Variants in TUSC3 observed in about 807,000 individuals in gnomAD.
TUSC3 encodes the protein tumor suppressor candidate 3.
In TUSC3, 45 loss-of-function variants were observed where a neutral mutation model predicts 44.8. The ratio of observed to expected loss-of-function variants is 1.00; its 90% CI spans 0.79 to 1.29. TUSC3 has a LOEUF of 1.29. Among genes scored for constraint, TUSC3 ranks in the 50% most tolerant of loss-of-function variants. The pLI is 0.00. For missense variants in TUSC3, 519 were observed against 437.9 expected (o/e 1.19, Z -1.65); for synonymous variants, 212 against 152.9 (o/e 1.39, Z -2.85).
At chr8:15,848,595 CAAACTT>C in the TUSC3 span, among the ~76,000 whole-genome samples, 69,583 of 151,734 alleles carry the variant, frequency 0.46, 18,188 homozygotes, top group Non-Finnish European at 0.6. Context: ...TGGTGAAACT[CAAACTT>C]AAACATTCTT....
intron 1 of TUSC3, among the ~76,000 whole-genome samples, chr8:15,430,472 T>C (rs1047732318): frequency 6.6e-5 from 10 of 150,474 alleles, no homozygotes; most frequent in Non-Finnish European, 1.3e-4. Flanking sequence ...ATTGATGGGA[T>C]GTATCTCAAA....
chr8:15,493,489 C>A (rs1367309146), intron 2 of TUSC3, among the ~76,000 whole-genome samples: 17 of 152,158 alleles, frequency 1.1e-4, no homozygotes, highest in Admixed American at 1.1e-3. Context: ...TCTCGAACTC[C>A]TGGCCTTAAG....
At chr8:15,748,299 G>A in intron 8 of TUSC3, 76 bp from the exon 9 acceptor site, 1 of 1,065,068 alleles carries the variant, frequency 9.4e-7, no homozygotes, top group Non-Finnish European at 1.5e-6. Flanking sequence ...GTAATTGAAT[G>A]CATTTAAAAA....
intron 1 of TUSC3, among the ~76,000 whole-genome samples, chr8:15,429,214 T>C (rs1427730744): frequency 1.3e-5 from 2 of 152,208 alleles, no homozygotes; most frequent in African/African-American, 4.8e-5. Flanking sequence ...CAGCACCATT[T>C]ATTAAATAGG....
the TUSC3 span, among the ~76,000 whole-genome samples, chr8:15,803,788 G>C: frequency 3.0e-4 from 46 of 152,278 alleles, no homozygotes; most frequent in Admixed American, 9.2e-4. Flanking sequence ...TTATGAGTGA[G>C]AACATGGGGT....
At chr8:15,802,799 G>A in the TUSC3 span, among the ~76,000 whole-genome samples, 11 of 151,406 alleles carry the variant, frequency 7.3e-5, no homozygotes, top group Non-Finnish European at 1.5e-4. Context: ...CAAAAGCAAA[G>A]CCATTTGTGT....
intron 1 of TUSC3, among the ~76,000 whole-genome samples, chr8:15,587,916 T>C (rs1160589195): frequency 1.3e-5 from 2 of 152,180 alleles, no homozygotes; most frequent in Non-Finnish European, 2.9e-5. Context: ...AATAGCTAAA[T>C]AATATTCTAT....
chr8:15,733,024 A>T (rs1810785864), intron 7 of TUSC3, among the ~76,000 whole-genome samples: 1 of 152,200 alleles, frequency 6.6e-6, no homozygotes, highest in African/African-American at 2.4e-5. Flanking sequence ...TTTGTCTCAT[A>T]GACTGGAACT....
chr8:15,653,582 G>A (rs1807015162), intron 3 of TUSC3, among the ~76,000 whole-genome samples: 1 of 152,138 alleles, frequency 6.6e-6, no homozygotes, highest in Non-Finnish European at 1.5e-5. Flanking sequence ...GATTCAGCAG[G>A]AATCCTGGTG....
chr8:15,529,924 A>G lies in TUSC3; in HGVS notation n.189+46441A>G. On this transcript the variant is annotated intron_variant and non_coding_transcript_variant, in intron 2 of 5. Transcript: ENST00000503191. ...GCCATTCTCCTGCCTCAGCCTCCCG[A>G]GTAGCTGGGACTACAGGCGCCCGGC... 3.9e-5 allele frequency among the ~76,000 whole-genome samples: 2 copies of G among 50,880 alleles called. 1 individual carries two copies. Among genetic ancestry groups the G allele is most frequent in the Admixed American group, 5.9e-4 (2 of 3,366 alleles). The allele number at this position is 50,880 out of a possible 152,430, so 33.4% of individuals were successfully genotyped here. A position where few individuals can be genotyped will look rare whatever the true frequency, so the allele number is the denominator to read the frequency against.
the TUSC3 span, among the ~76,000 whole-genome samples, chr8:15,838,464 T>A: frequency 6.6e-6 from 1 of 152,180 alleles, no homozygotes; most frequent in East Asian, 1.9e-4. Context: ...TTACCCCTCT[T>A]TTCAGAGTTT....
At chr8:15,775,668 A>G in the TUSC3 span, among the ~76,000 whole-genome samples, 1 of 144,608 alleles carries the variant, frequency 6.9e-6, no homozygotes, top group Non-Finnish European at 1.5e-5. Flanking sequence ...ATATACATAT[A>G]TACACACATA....
intron 1 of TUSC3, among the ~76,000 whole-genome samples, chr8:15,603,140 A>G (rs1048923679): frequency 1.3e-5 from 2 of 151,706 alleles, no homozygotes; most frequent in African/African-American, 4.8e-5. Context: ...TTACTAATAC[A>G]TGACTAGTTA....
At chr8:15,627,762 T>C (rs1001492939) in intron 2 of TUSC3, among the ~76,000 whole-genome samples, 3 of 152,248 alleles carry the variant, frequency 2.0e-5, no homozygotes, top group South Asian at 4.1e-4. Context: ...CTGCACGCCC[T>C]GCTCTAGCCA....
intron 7 of TUSC3, chr8:15,733,290 A>G (rs1317381579): frequency 8.6e-6 from 3 of 347,862 alleles, no homozygotes; most frequent in Non-Finnish European, 1.6e-5. Context: ...GGATAGAAAC[A>G]TAAAGCATTT....
intron 2 of TUSC3, among the ~76,000 whole-genome samples, chr8:15,502,423 C>T (rs1009821493): frequency 4.6e-5 from 7 of 152,192 alleles, no homozygotes; most frequent in African/African-American, 1.7e-4. Context: ...ACTAGATTGA[C>T]ACTTCTTTTT....
rs199506580 is a variant in TUSC3 at position 15,559,640 on chromosome 8, T to G, written c.138+19072T>G. 4.0e-3 allele frequency among the ~76,000 whole-genome samples: 538 copies of G among 133,790 alleles called. 70 individuals carry two copies. The highest frequency in any genetic ancestry group is 8.5e-3 in the Middle Eastern group (2 of 236). 87.8% of individuals were successfully genotyped at this position (133,790 alleles called of 152,430 possible). ...CCATTATTAATGTGTGGGAGTCTAA[T>G]TCTCTTTGTAGGTCACTCAGGACTT... On this transcript the variant is annotated intron_variant, in intron 1 of 10. Transcript: ENST00000503731.
rs554587605 is a variant in TUSC3 at position 15,464,565 on chromosome 8, G to C, written n.92-18821G>C. ...TTAAAATAAAGTTATTCAATATTTAGATATGTTGTATCATCCTAATATATC... is the reference window on the plus strand; with the variant it reads ...TTAAAATAAAGTTATTCAATATTTACATATGTTGTATCATCCTAATATATC... On this transcript the variant is annotated intron_variant and non_coding_transcript_variant, in intron 1 of 5. Transcript: ENST00000503191. Among the ~76,000 whole-genome samples the C allele has an allele frequency of 3.3e-5, 5 of 152,240 alleles. 1 individual carries two copies. The South Asian group carries it at 1.0e-3, about 32-fold the overall frequency.
At chr8:15,572,037 A>G (rs1802898164) in intron 1 of TUSC3, among the ~76,000 whole-genome samples, 1 of 152,142 alleles carries the variant, frequency 6.6e-6, no homozygotes, top group African/African-American at 2.4e-5. Flanking sequence ...TGGTAAATGA[A>G]CGTTGGCTTC....
Sources: gnomAD v4.1 joint callset for allele counts (sites outside exome capture counted in the v4.1 genomes callset) on GRCh38, gnomAD v4.1.1 for gene constraint, MANE v1.5 for transcripts, NCBI Gene and HGNC (gene_info 2026-07-23, HGNC 2026-07-21) for gene names.